The following CEP128 variants were observed in gnomAD, a reference collection of about 807,000 sequenced individuals.
CEP128 encodes centrosomal protein 128kDa.
CEP128 carries 132 observed loss-of-function variants against 156.7 expected under a neutral mutation model. That is an observed-to-expected ratio of 0.84 (90% CI 0.73 to 0.97). The LOEUF is 0.97. Ranked by LOEUF, CEP128 falls within the 50% of genes least tolerant of loss-of-function variation. The probability of loss-of-function intolerance (pLI) is 0.00; values close to 1 mark genes in which losing one functional copy is unlikely to be tolerated. For synonymous variants in CEP128, 469 were observed against 448.9 expected (o/e 1.04, Z -0.57); for missense variants, 1,252 against 1,281.9 (o/e 0.98, Z 0.36).
At chr14:80,787,940 T>C (rs1476347653) in intron 14 of CEP128, among the ~76,000 whole-genome samples, 2 of 152,196 alleles carry the variant, frequency 1.3e-5, no homozygotes, top group African/African-American at 4.8e-5. Flanking sequence ...TCTGCTACTC[T>C]ATAACTCTCC....
At position 80,797,494 on chromosome 14, in the gene CEP128, C is replaced by T. The variant is rs190937578; in HGVS notation, c.1210-4384G>A. On this transcript the variant is annotated intron_variant, in intron 13 of 24. Coordinates refer to ENST00000555265, the MANE Select transcript of CEP128 (RefSeq NM_152446.5). ...TAAGTCTGGAAACTATCAGTAGCTA[C>T]TGCTTTGCTATCAGCCTGTGTTATG... 3.9e-5 allele frequency among the ~76,000 whole-genome samples: 6 copies of T among 152,300 alleles called. No homozygotes were observed. The East Asian group carries it at 1.2e-3, about 29-fold the overall frequency.
chr14:80,796,214 T>A (rs1883463872), intron 13 of CEP128, among the ~76,000 whole-genome samples: 1 of 152,148 alleles, frequency 6.6e-6, no homozygotes, highest in Non-Finnish European at 1.5e-5. Flanking sequence ...AAAATCTTAC[T>A]TTGGGAGGCC....
At chr14:80,856,258 C>G (rs1315113112) in intron 9 of CEP128, among the ~76,000 whole-genome samples, 1 of 152,050 alleles carries the variant, frequency 6.6e-6, no homozygotes, top group Non-Finnish European at 1.5e-5. Context: ...CCCCATGAAA[C>G]AAATTTTAAT....
intron 13 of CEP128, among the ~76,000 whole-genome samples, chr14:80,796,457 C>T (rs1193161847): frequency 6.7e-6 from 1 of 149,956 alleles, no homozygotes; most frequent in Admixed American, 6.6e-5. Context: ...GAGATTCAGT[C>T]CAAAAAAAAA....
rs1186026108 is a variant in CEP128 at position 80,904,948 on chromosome 14, A to C, written c.362-17T>G. On this transcript the variant is annotated splice_polypyrimidine_tract_variant and intron_variant, in intron 5 of 24. Coordinates refer to ENST00000555265, the MANE Select transcript of CEP128 (RefSeq NM_152446.5). ...GATGGAGCTCTTCACAAGTGAAAGAAAAGGGAAGGTATTAAAATACTGCAT... is the reference window on the plus strand; with the variant it reads ...GATGGAGCTCTTCACAAGTGAAAGACAAGGGAAGGTATTAAAATACTGCAT... 1 of 1,377,678 alleles carries C rather than the reference A, an allele frequency of 7.3e-7. No homozygotes were observed. The highest frequency in any genetic ancestry group is 1.0e-6 in the Non-Finnish European group (1 of 964,616). 85.3% of individuals were successfully genotyped at this position (1,377,678 alleles called of 1,614,324 possible). A position where few individuals can be genotyped will look rare whatever the true frequency, so the allele number is the denominator to read the frequency against.
At chr14:80,572,714 C>T (rs28492018) in intron 20 of CEP128, among the ~76,000 whole-genome samples, 7,924 of 151,912 alleles carry the variant, frequency 0.052, 688 homozygotes, top group African/African-American at 0.18. Context: ...AAAAAAAACA[C>T]AAGAAAACAT....
chr14:80,562,685 G>T (rs1890740362), intron 20 of CEP128, among the ~76,000 whole-genome samples: 1 of 130,526 alleles, frequency 7.7e-6, no homozygotes. Flanking sequence ...TTTGGAGACA[G>T]GGTCTCCCTC....
In CEP128 at chr14:80,840,708, T is replaced by G. The variant is rs772645010; in HGVS notation, c.823A>C (p.Arg275=). The G allele has an allele frequency of 1.2e-6, 2 of 1,610,024 alleles. No homozygotes were observed. Among genetic ancestry groups the G allele is most frequent in the Non-Finnish European group, 1.7e-6 (2 of 1,177,020 alleles). The change falls in exon 10 of 25, where the codon AGA becomes CGA. Residue 275 remains arginine (R), a synonymous_variant. Coordinates refer to ENST00000555265, the MANE Select transcript of CEP128 (RefSeq NM_152446.5). ...EHEGAIKNKL[R]QTETEKNQLE... ...TGATTCTTCTCAGTTTCAGTTTGTC[T>G]TAGCTTATTTTTTATTGCCCCCTCA...
At chr14:80,545,361 C>A (rs1213659768) in intron 21 of CEP128, among the ~76,000 whole-genome samples, 2 of 152,118 alleles carry the variant, frequency 1.3e-5, no homozygotes, top group Non-Finnish European at 2.9e-5. Context: ...GATGAGAGAG[C>A]CAGTTTACAT....
chr14:80,785,397 A>G lies in CEP128; in HGVS notation c.1709T>C (p.Ile570Thr), dbSNP rs1261137795. The G allele has an allele frequency of 1.2e-6, 2 of 1,614,104 alleles. No individual in the cohort carries two copies. The highest frequency in any genetic ancestry group is 1.7e-6 in the Non-Finnish European group (2 of 1,180,006). The change falls in exon 15 of 25, where the codon ATT becomes ACT. Residue 570 changes from isoleucine to threonine, a missense_variant. Coordinates refer to ENST00000555265, the MANE Select transcript of CEP128 (RefSeq NM_152446.5). ...TTCAAGGTCAGCTTGATGAGACTTAATATCACGTAATTTCTCCTCCTTGGA... is the reference window on the plus strand; with the variant it reads ...TTCAAGGTCAGCTTGATGAGACTTAGTATCACGTAATTTCTCCTCCTTGGA... The part of the protein sequence containing the change: ...LHSKEEKLRD[I>T]KSHQADLELE...
intron 19 of CEP128, among the ~76,000 whole-genome samples, chr14:80,709,339 T>C (rs1897323642): frequency 6.6e-6 from 1 of 152,090 alleles, no homozygotes; most frequent in South Asian, 2.1e-4. Context: ...GGTTTCACTA[T>C]GTTGGCCAGG....
intron 21 of CEP128, among the ~76,000 whole-genome samples, chr14:80,547,797 AT>A (rs369896159): frequency 0.18 from 25,141 of 141,046 alleles, 2,050 homozygotes; most frequent in African/African-American, 0.26. Context: ...AGGGAGAGGA[AT>A]TTTTTTTTTT....
chr14:80,666,863 TA>T (rs1343556662), intron 19 of CEP128, among the ~76,000 whole-genome samples: 2 of 149,130 alleles, frequency 1.3e-5, no homozygotes, highest in African/African-American at 5.0e-5. Context: ...AGAGGAGAAA[TA>T]AAATAGAAAA....
chr14:80,635,250 G>A (rs1894132171), intron 19 of CEP128, among the ~76,000 whole-genome samples: 1 of 152,146 alleles, frequency 6.6e-6, no homozygotes, highest in African/African-American at 2.4e-5. Context: ...CTCAATTATA[G>A]ATGAGACACT....
At chr14:80,800,857 T>G (rs1476773380) in intron 13 of CEP128, among the ~76,000 whole-genome samples, 2 of 152,202 alleles carry the variant, frequency 1.3e-5, no homozygotes. Context: ...TATTAACTAT[T>G]AGAAACCAGA....
At chr14:80,486,410 G>A (rs2140152891), downstream of CEP128, among the ~76,000 whole-genome samples, 1 of 152,194 alleles carries the variant, frequency 6.6e-6, no homozygotes, top group African/African-American at 2.4e-5. Flanking sequence ...ACCTGAAAGT[G>A]ACAGGGAGAA....
rs570881933 is a variant in CEP128, at chr14:80,736,543, C to G, written c.2806+6532G>C. Among the ~76,000 whole-genome samples, 42 of 152,196 alleles carry G rather than the reference C, an allele frequency of 2.8e-4. No homozygotes were observed. The South Asian group carries it at 8.5e-3, about 31-fold the overall frequency. On this transcript the variant is annotated intron_variant, in intron 19 of 24. Transcript: ENST00000555265. ...ATACACACACACACACACACTGTCTCTCCCCTCAATATTTTGGAAGAGGAA... is the reference window on the plus strand; with the variant it reads ...ATACACACACACACACACACTGTCTGTCCCCTCAATATTTTGGAAGAGGAA...
chr14:80,525,968 G>T (rs1888955981), intron 23 of CEP128, among the ~76,000 whole-genome samples: 1 of 145,080 alleles, frequency 6.9e-6, no homozygotes, highest in African/African-American at 2.5e-5. Context: ...AAGTTTGTAA[G>T]AATATAAAAA....
At chr14:80,637,031 A>G (rs151135349) in intron 19 of CEP128, among the ~76,000 whole-genome samples, 31 of 151,878 alleles carry the variant, frequency 2.0e-4, no homozygotes, top group African/African-American at 7.5e-4. Context: ...GGTTGTGGTG[A>G]GCCAAGATCG....
Sources: gnomAD v4.1 joint callset for allele counts (sites outside exome capture counted in the v4.1 genomes callset) on GRCh38, gnomAD v4.1.1 for gene constraint, MANE v1.5 for transcripts, NCBI Gene and HGNC (gene_info 2026-07-23, HGNC 2026-07-21) for gene names.